ADAM10: variants seen among roughly 807,000 people sequenced by gnomAD.
ADAM10 encodes disintegrin and metalloproteinase domain-containing protein 10.
Under a neutral mutation model 90.1 loss-of-function variants are expected in ADAM10, and 17 were observed. The observed-to-expected ratio is 0.19, with a 90% CI of 0.13 to 0.28. The LOEUF is 0.28. Ranked by LOEUF, ADAM10 falls within the 10% of genes least tolerant of loss-of-function variation. The pLI, the probability that ADAM10 is intolerant of heterozygous loss-of-function variation, is 1.00. For missense variants in ADAM10, 610 were observed against 914.3 expected (o/e 0.67, Z 4.29); for synonymous variants, 310 against 298.6 (o/e 1.04, Z -0.40).
At chr15:58,686,625 AAG>A (rs1201326574) in intron 2 of ADAM10, 9 of 869,438 alleles carry the variant, frequency 1.0e-5, no homozygotes, top group Non-Finnish European at 1.8e-5. Flanking sequence ...TGAAGACTCT[AAG>A]AGAGAAGTTT....
intron 10 of ADAM10, among the ~76,000 whole-genome samples, chr15:58,622,094 C>T (rs554720605): frequency 6.6e-5 from 10 of 152,246 alleles, no homozygotes; most frequent in Non-Finnish European, 1.5e-4. Context: ...CTATCAACAA[C>T]AATATGCTGT....
At chr15:58,736,575 G>C (rs1899437475) in intron 1 of ADAM10, among the ~76,000 whole-genome samples, 1 of 151,900 alleles carries the variant, frequency 6.6e-6, no homozygotes, top group Non-Finnish European at 1.5e-5. Context: ...AGTATTTAGA[G>C]TACAACTTAT....
chr15:58,658,046 C>A lies in ADAM10; in HGVS notation c.585+7051G>T, dbSNP rs1896875726. On this transcript the variant is annotated intron_variant, in intron 5 of 15. Coordinates refer to ENST00000260408, the MANE Select transcript of ADAM10 (RefSeq NM_001110.4). ...GCAAGGTTTTTCAATTTGATGAAGT[C>A]AGTTTATACATGTTTTTCATAGGGA... is the stretch of plus-strand genomic sequence containing the variant. 2.0e-5 allele frequency among the ~76,000 whole-genome samples: 3 copies of A among 152,036 alleles called. No individual in the cohort carries two copies. In the South Asian group the frequency reaches 6.2e-4, roughly 31 times the overall value.
chr15:58,670,438 C>T (rs1897167579), intron 4 of ADAM10, among the ~76,000 whole-genome samples: 1 of 151,978 alleles, frequency 6.6e-6, no homozygotes, highest in South Asian at 2.1e-4. Flanking sequence ...AAAATATGTG[C>T]AAGAATGTTA....
At chr15:58,731,697 A>T (rs1447499577) in intron 1 of ADAM10, among the ~76,000 whole-genome samples, 2 of 152,180 alleles carry the variant, frequency 1.3e-5, no homozygotes, top group Non-Finnish European at 2.9e-5. Context: ...GGCAACAAGC[A>T]CCCTGAGGTG....
intron 6 of ADAM10, 55 bp from the exon 7 acceptor site, chr15:58,644,033 T>C: frequency 7.4e-7 from 1 of 1,356,670 alleles, no homozygotes; most frequent in Admixed American, 1.7e-5. Flanking sequence ...TGAAAAAGAT[T>C]ATAAATTTCC....
chr15:58,679,018 T>C, intron 4 of ADAM10, 106 bp downstream of exon 4: 2 of 1,119,026 alleles, frequency 1.8e-6, no homozygotes, highest in Non-Finnish European at 2.6e-6. Flanking sequence ...TCTAGCCTGA[T>C]TAGTAACTCA....
chr15:58,707,103 C>A (rs1898324241), intron 2 of ADAM10, among the ~76,000 whole-genome samples: 1 of 149,432 alleles, frequency 6.7e-6, no homozygotes, highest in South Asian at 2.1e-4. Flanking sequence ...AAAAGCTCAG[C>A]CAGGCACAGT....
chr15:58,683,664 C>G (rs1054736800), intron 2 of ADAM10, among the ~76,000 whole-genome samples: 1 of 151,846 alleles, frequency 6.6e-6, no homozygotes, highest in African/African-American at 2.4e-5. Flanking sequence ...GAGTTCAAGA[C>G]CAGCCTGGCC....
rs536785269 is a variant in ADAM10, at chr15:58,633,077, G to A, written c.1176+119C>T. On this transcript the variant is annotated intron_variant, in intron 9 of 15. Transcript: ENST00000260408. ...ATGGTCAAATACATTACTGTGCTCT[G>A]ACATAAAAACTAAACACTCGTAAGT... The A allele has an allele frequency of 5.2e-6, 5 of 968,188 alleles. No individual in the cohort carries two copies. The East Asian group carries it at 1.1e-4, about 20-fold the overall frequency. The allele number at this position is 968,188 out of a possible 1,614,324, so 60.0% of individuals were successfully genotyped here.
intron 2 of ADAM10, among the ~76,000 whole-genome samples, chr15:58,683,682 C>T (rs1253359319): frequency 6.6e-6 from 1 of 151,612 alleles, no homozygotes; most frequent in Non-Finnish European, 1.5e-5. Context: ...GCCAACACAG[C>T]AAAACCGTCT....
chr15:58,716,959 A>G (rs1199117208), intron 2 of ADAM10, among the ~76,000 whole-genome samples: 1 of 152,160 alleles, frequency 6.6e-6, no homozygotes, highest in Admixed American at 6.5e-5. Context: ...AAGTTATTTA[A>G]CTTCTCTGAG....
rs560196090 is a variant in ADAM10 at position 58,703,925 on chromosome 15, T to C, written c.206+13652A>G. 22 of 153,832 alleles carry C rather than the reference T, an allele frequency of 1.4e-4. No homozygotes were observed. In the South Asian group the frequency reaches 4.4e-3, roughly 31 times the overall value. The allele number at this position is 153,832 out of a possible 1,614,324, so 9.5% of individuals were successfully genotyped here. A position where few individuals can be genotyped will look rare whatever the true frequency, so the allele number is the denominator to read the frequency against. On this transcript the variant is annotated intron_variant, in intron 2 of 15. Coordinates refer to ENST00000260408, the MANE Select transcript of ADAM10 (RefSeq NM_001110.4). ...CAGTCTCAGGTAGTTCTTGATAGCT[T>C]GTTTGGAGGTTCTAGCAGGGGAGCA...
At chr15:58,717,339 G>A (rs1427267355) in intron 2 of ADAM10, among the ~76,000 whole-genome samples, 7 of 152,214 alleles carry the variant, frequency 4.6e-5, no homozygotes, top group African/African-American at 1.7e-4. Flanking sequence ...TTTTACTAAT[G>A]TAAGATCTGA....
chr15:58,709,168 C>T (rs1426064200), intron 2 of ADAM10, among the ~76,000 whole-genome samples: 2 of 152,070 alleles, frequency 1.3e-5, no homozygotes, highest in African/African-American at 4.8e-5. Context: ...AACCTTTAGT[C>T]ACATAAAATC....
At chr15:58,644,544 G>C (rs2140693042) in intron 6 of ADAM10, among the ~76,000 whole-genome samples, 1 of 152,140 alleles carries the variant, frequency 6.6e-6, no homozygotes, top group South Asian at 2.1e-4. Context: ...ATATACTCTT[G>C]TTTCAGTCAC....
At chr15:58,722,726 C>CTTTTT (rs71116592) in intron 1 of ADAM10, among the ~76,000 whole-genome samples, 8 of 103,998 alleles carry the variant, frequency 7.7e-5, no homozygotes, top group Non-Finnish European at 9.2e-5. Context: ...AATTTGAGAA[C>CTTTTT]TTTTTTTTTT....
intron 1 of ADAM10, chr15:58,733,060 T>G (rs548855283): frequency 2.0e-5 from 3 of 152,252 alleles, no homozygotes; most frequent in African/African-American, 7.2e-5. Flanking sequence ...CTTATAAATG[T>G]AGAAGTGTAG....
intron 4 of ADAM10, among the ~76,000 whole-genome samples, chr15:58,665,940 C>T (rs561074887): frequency 2.0e-5 from 3 of 152,060 alleles, no homozygotes; most frequent in Non-Finnish European, 4.4e-5. Context: ...ACACTCAGTT[C>T]TTTTCTCCAA....
Sources: gnomAD v4.1 joint callset for allele counts (sites outside exome capture counted in the v4.1 genomes callset) on GRCh38, gnomAD v4.1.1 for gene constraint, MANE v1.5 for transcripts, NCBI Gene and HGNC (gene_info 2026-07-23, HGNC 2026-07-21) for gene names.